The following RBFOX1 variants were observed in gnomAD, a reference collection of about 807,000 sequenced individuals.
RBFOX1 encodes RNA binding protein fox-1 homolog 1.
RBFOX1 carries 8 observed loss-of-function variants against 57.7 expected under a neutral mutation model. The observed-to-expected ratio is 0.14, with a 90% CI of 0.08 to 0.25. The LOEUF (loss-of-function observed/expected upper bound fraction) is 0.25. Ranked by LOEUF, RBFOX1 falls within the 10% of genes least tolerant of loss-of-function variation. The probability of loss-of-function intolerance (pLI) is 1.00; values close to 1 mark genes in which losing one functional copy is unlikely to be tolerated. For synonymous variants in RBFOX1, 326 were observed against 222.4 expected (o/e 1.47, Z -4.15); for missense variants, 611 against 548.5 (o/e 1.11, Z -1.14).
In RBFOX1 at chr16:7,676,819, G is replaced by A; in HGVS notation, c.976G>A (p.Ala326Thr). Residue 326 changes from alanine (A) to threonine (T), a missense_variant, in exon 14 of 16, where the codon GCC becomes ACC. This residue lies in a region of RBFOX1 where 267 missense variants were observed against 229.1 expected (regional missense o/e 1.17). Transcript: ENST00000550418. ...CTACGCCCAGCCTACCCCTGCCACTGCCGCTGCCTACAGTGACAGGTAAGG... is the reference window on the plus strand; with the variant it reads ...CTACGCCCAGCCTACCCCTGCCACTACCGCTGCCTACAGTGACAGGTAAGG... ...YRYAQPTPAT[A>T]AAYSDSYGRV... 2 of 1,613,092 alleles carry A rather than the reference G, an allele frequency of 1.2e-6. No individual in the cohort carries two copies. Among genetic ancestry groups the A allele is most frequent in the Non-Finnish European group, 1.7e-6 (2 of 1,179,270 alleles).
chr16:7,673,728 T>A (rs2072357253), intron 13 of RBFOX1, among the ~76,000 whole-genome samples: 1 of 152,212 alleles, frequency 6.6e-6, no homozygotes, highest in African/African-American at 2.4e-5. Context: ...CAATTTGAAA[T>A]TTTTATATAA....
chr16:7,428,234 G>A (rs1271544178), intron 4 of RBFOX1, among the ~76,000 whole-genome samples: 1 of 151,362 alleles, frequency 6.6e-6, no homozygotes, highest in Non-Finnish European at 1.5e-5. Flanking sequence ...CCAACACCTA[G>A]CATTGCTATT....
chr16:7,649,746 A>T (rs1441529072), intron 11 of RBFOX1, among the ~76,000 whole-genome samples: 1 of 152,170 alleles, frequency 6.6e-6, no homozygotes, highest in Non-Finnish European at 1.5e-5. Context: ...ATCCTAACTG[A>T]TGAGCAGAAC....
chr16:5,360,683 G>C (rs1281138380), intron 1 of RBFOX1, among the ~76,000 whole-genome samples: 1 of 152,230 alleles, frequency 6.6e-6, no homozygotes, highest in South Asian at 2.1e-4. Flanking sequence ...AGGGCTTATT[G>C]TAAGGACGTA....
chr16:5,422,176 AAGAG>A (rs1414389657), intron 1 of RBFOX1, among the ~76,000 whole-genome samples: 1 of 151,502 alleles, frequency 6.6e-6, no homozygotes, highest in Admixed American at 6.6e-5. Flanking sequence ...TTTGTAGAGG[AAGAG>A]AGAGAGGGAG....
intron 1 of RBFOX1, among the ~76,000 whole-genome samples, chr16:5,445,764 A>G (rs1485383398): frequency 1.3e-5 from 2 of 152,240 alleles, no homozygotes; most frequent in Non-Finnish European, 2.9e-5. Flanking sequence ...GATCATTGCC[A>G]CTAAATTTTT....
chr16:7,186,662 T>G (rs867715003), intron 4 of RBFOX1, among the ~76,000 whole-genome samples: 2 of 148,084 alleles, frequency 1.4e-5, no homozygotes, highest in South Asian at 4.2e-4. Context: ...TATATTTATG[T>G]ATATTTATAT....
intron 3 of RBFOX1, among the ~76,000 whole-genome samples, chr16:6,791,104 G>A (rs549113777): frequency 6.6e-6 from 1 of 151,936 alleles, no homozygotes; most frequent in Non-Finnish European, 1.5e-5. Context: ...ATGGGGTTTT[G>A]CCATCTTGGC....
intron 3 of RBFOX1, chr16:6,705,117 C>G (rs149819581): frequency 6.6e-6 from 1 of 152,156 alleles, no homozygotes; most frequent in Non-Finnish European, 1.5e-5. Flanking sequence ...CCTAGAGTTT[C>G]TTGGCAGTGC....
intron 3 of RBFOX1, among the ~76,000 whole-genome samples, chr16:6,665,244 G>A (rs892203009): frequency 1.3e-5 from 2 of 152,110 alleles, no homozygotes; most frequent in Admixed American, 6.5e-5. Flanking sequence ...AAAGGGCGAT[G>A]TCCCTCTTGT....
At chr16:5,860,544 A>T (rs1400934495) in intron 3 of RBFOX1, among the ~76,000 whole-genome samples, 1 of 152,150 alleles carries the variant, frequency 6.6e-6, no homozygotes, top group Non-Finnish European at 1.5e-5. Context: ...GAGAAGGGGA[A>T]TGCAGTGTTT....
chr16:7,330,823 C>T (rs775791179), intron 4 of RBFOX1, among the ~76,000 whole-genome samples: 6 of 152,110 alleles, frequency 3.9e-5, no homozygotes, highest in African/African-American at 7.2e-5. Context: ...GAGCTCTCCC[C>T]TCCTGTTGAT....
intron 4 of RBFOX1, among the ~76,000 whole-genome samples, chr16:5,964,937 CAATG>C (rs2059815711): frequency 6.6e-6 from 1 of 152,016 alleles, no homozygotes; most frequent in African/African-American, 2.4e-5. Context: ...TGCGTATACA[CAATG>C]AAATTATATT....
At chr16:7,158,080 A>G (rs1191746033) in intron 4 of RBFOX1, among the ~76,000 whole-genome samples, 3 of 152,260 alleles carry the variant, frequency 2.0e-5, no homozygotes, top group Non-Finnish European at 4.4e-5. Context: ...TGGGCGCGGT[A>G]GCTCAAGCCT....
intron 4 of RBFOX1, among the ~76,000 whole-genome samples, chr16:5,998,491 C>T (rs1453106168): frequency 6.6e-6 from 1 of 152,188 alleles, no homozygotes; most frequent in Non-Finnish European, 1.5e-5. Flanking sequence ...TCGGACATTT[C>T]TAGGGCTAGG....
At chr16:6,828,416 C>T (rs752405283) in intron 3 of RBFOX1, among the ~76,000 whole-genome samples, 1 of 151,790 alleles carries the variant, frequency 6.6e-6, no homozygotes, top group South Asian at 2.1e-4. Context: ...CCCAGCTACT[C>T]AGGAGACTGA....
At position 5,774,866 on chromosome 16, in the gene RBFOX1, A is replaced by G. The variant is rs188990793; in HGVS notation, c.319-92437A>G. Among the ~76,000 whole-genome samples the G allele has an allele frequency of 2.1e-3, 320 of 152,242 alleles. 3 individuals carry two copies. Among genetic ancestry groups the G allele is most frequent in the African/African-American group, 7.3e-3 (303 of 41,546 alleles). On this transcript the variant is annotated intron_variant, in intron 3 of 19. Coordinates refer to the RBFOX1 transcript ENST00000641259. ...CCTAGCTAATTTTTGTATTTTTAGT[A>G]GACCTGGAGTTTCACCATGTTGGCC...
chr16:7,411,356 C>T (rs1463171367), intron 4 of RBFOX1, among the ~76,000 whole-genome samples: 7 of 151,842 alleles, frequency 4.6e-5, no homozygotes. Flanking sequence ...CATTAGTTTC[C>T]CCGACAGTGT....
chr16:6,966,761 G>A (rs920772805), intron 3 of RBFOX1, among the ~76,000 whole-genome samples: 5 of 149,124 alleles, frequency 3.4e-5, no homozygotes, highest in Non-Finnish European at 5.9e-5. Context: ...CTGTCTGTCT[G>A]TCTATCTATC....
Sources: allele counts gnomAD v4.1 joint callset (sites outside exome capture counted in the v4.1 genomes callset), GRCh38; gene constraint gnomAD v4.1.1; regional missense constraint gnomAD v4.1.1; transcripts MANE v1.5; gene names NCBI Gene and HGNC (gene_info 2026-07-23, HGNC 2026-07-21).